Variants in MDGA2 observed in about 807,000 individuals in gnomAD.
The protein encoded by MDGA2 is MAM domain containing glycosylphosphatidylinositol anchor 2, also known as MAM domain-containing glycosylphosphatidylinositol anchor protein 2.
Under a neutral mutation model 117.8 loss-of-function variants are expected in MDGA2, and 40 were observed. The ratio of observed to expected loss-of-function variants is 0.34; its 90% CI spans 0.26 to 0.44. MDGA2 has a LOEUF of 0.44. Among genes scored for constraint, MDGA2 ranks in the 20% least tolerant of loss-of-function variants. MDGA2 has a pLI of 1.00. For synonymous variants in MDGA2, 452 were observed against 439.0 expected (o/e 1.03, Z -0.37); for missense variants, 1,123 against 1,250.6 (o/e 0.90, Z 1.54).
intron 1 of MDGA2, among the ~76,000 whole-genome samples, chr14:47,398,499 ATATATT>A (rs1250134163): frequency 6.6e-6 from 1 of 152,176 alleles, no homozygotes. Flanking sequence ...TATAGAAACT[ATATATT>A]TATACATTTT....
At chr14:47,131,436 C>T (rs1180420190) in intron 5 of MDGA2, among the ~76,000 whole-genome samples, 2 of 151,822 alleles carry the variant, frequency 1.3e-5, no homozygotes, top group East Asian at 1.9e-4. Flanking sequence ...TATTTTTGAA[C>T]AGGATATATG....
At chr14:47,450,842 G>C (rs1169130408) in intron 1 of MDGA2, among the ~76,000 whole-genome samples, 1 of 152,088 alleles carries the variant, frequency 6.6e-6, no homozygotes. Context: ...TTAATGAATA[G>C]AGAACTGAAG....
At chr14:47,013,798 T>TA (rs1424847104) in intron 8 of MDGA2, among the ~76,000 whole-genome samples, 1 of 41,072 alleles carries the variant, frequency 2.4e-5, no homozygotes, top group Non-Finnish European at 5.3e-5. Context: ...ATATATCTCC[T>TA]TTTTTTTTTT....
At chr14:46,867,228 T>C (rs1458024514) in intron 14 of MDGA2, among the ~76,000 whole-genome samples, 2 of 152,200 alleles carry the variant, frequency 1.3e-5, no homozygotes, top group Non-Finnish European at 2.9e-5. Context: ...AATGATGAGT[T>C]CATGTACTTT....
At chr14:47,445,670 G>A (rs1055461354) in intron 1 of MDGA2, among the ~76,000 whole-genome samples, 1 of 151,980 alleles carries the variant, frequency 6.6e-6, no homozygotes, top group East Asian at 1.9e-4. Flanking sequence ...TTACTCATAA[G>A]ACAAAATAAA....
At chr14:46,885,924 C>T (rs184872489) in intron 10 of MDGA2, among the ~76,000 whole-genome samples, 1 of 152,162 alleles carries the variant, frequency 6.6e-6, no homozygotes, top group African/African-American at 2.4e-5. Context: ...TGTGTCCAAC[C>T]ATTGCCCAGA....
chr14:47,653,719 A>G (rs1318023675), intron 1 of MDGA2, among the ~76,000 whole-genome samples: 1 of 152,178 alleles, frequency 6.6e-6, no homozygotes, highest in African/African-American at 2.4e-5. Flanking sequence ...GGTGGGTCCA[A>G]TGTACTCAAG....
intron 2 of MDGA2, among the ~76,000 whole-genome samples, chr14:47,244,194 C>T (rs1226889655): frequency 6.6e-6 from 1 of 151,750 alleles, no homozygotes; most frequent in Non-Finnish European, 1.5e-5. Context: ...ACCTGCAGAA[C>T]TGTAATGTAT....
intron 9 of MDGA2, among the ~76,000 whole-genome samples, chr14:46,945,779 T>C (rs560924033): frequency 3.3e-5 from 5 of 152,200 alleles, no homozygotes; most frequent in African/African-American, 1.2e-4. Flanking sequence ...AATGCAGCCT[T>C]GCACTGTCTG....
chr14:47,446,253 C>G (rs1276634230), intron 1 of MDGA2, among the ~76,000 whole-genome samples: 2 of 152,186 alleles, frequency 1.3e-5, no homozygotes, highest in East Asian at 3.9e-4. Context: ...CTTACCTACT[C>G]ACAAAGAAGC....
intron 1 of MDGA2, among the ~76,000 whole-genome samples, chr14:47,378,296 A>C (rs1891527398): frequency 6.6e-6 from 1 of 152,234 alleles, no homozygotes; most frequent in Non-Finnish European, 1.5e-5. Context: ...TAAAAATCAG[A>C]GCACCTCTTC....
intron 1 of MDGA2, among the ~76,000 whole-genome samples, chr14:47,627,234 ACT>A (rs1897162967): frequency 6.7e-6 from 1 of 149,332 alleles, no homozygotes; most frequent in South Asian, 2.1e-4. Flanking sequence ...ACCAATTGGC[ACT>A]CTGTGTCTAG....
intron 1 of MDGA2, among the ~76,000 whole-genome samples, chr14:47,554,070 C>T (rs1895638876): frequency 6.6e-6 from 1 of 152,160 alleles, no homozygotes; most frequent in Admixed American, 6.6e-5. Flanking sequence ...GCTGAAATCA[C>T]TCTCCATTAT....
At position 46,841,782 on chromosome 14, in the gene MDGA2, C is replaced by CT. The variant is rs1410629662; in HGVS notation, c.*148dup. Reference sequence around the variant, plus strand: ...CCATGATGTCTTTTTATCCCCAGTGCTTAAAAAAATTTGTTTTTATTATTT... The same window carrying CT: ...CCATGATGTCTTTTTATCCCCAGTGCTTTAAAAAAATTTGTTTTTATTATTT... On this transcript the variant is annotated 3_prime_UTR_variant, in exon 17 of 17. Coordinates refer to ENST00000399232, the MANE Select transcript of MDGA2 (RefSeq NM_001113498.3). 4 of 526,684 alleles carry CT rather than the reference C, an allele frequency of 7.6e-6. No homozygotes were observed. The highest frequency in any genetic ancestry group is 1.4e-5 in the Non-Finnish European group (4 of 295,070). The allele number at this position is 526,684 out of a possible 1,614,324, so 32.6% of individuals were successfully genotyped here. A position where few individuals can be genotyped will look rare whatever the true frequency, so the allele number is the denominator to read the frequency against.
intron 3 of MDGA2, among the ~76,000 whole-genome samples, chr14:47,159,164 A>C (rs1883530141): frequency 6.6e-6 from 1 of 152,174 alleles, no homozygotes; most frequent in African/African-American, 2.4e-5. Context: ...CAACATTAAG[A>C]GTGAAGCCTA....
At chr14:47,553,671 G>T (rs1287521810) in intron 1 of MDGA2, among the ~76,000 whole-genome samples, 1 of 151,976 alleles carries the variant, frequency 6.6e-6, no homozygotes, top group Non-Finnish European at 1.5e-5. Flanking sequence ...ATATGTGTGT[G>T]ACTGTAATGT....
intron 2 of MDGA2, among the ~76,000 whole-genome samples, chr14:47,255,438 A>C (rs1481438225): frequency 6.6e-6 from 1 of 152,168 alleles, no homozygotes; most frequent in Non-Finnish European, 1.5e-5. Flanking sequence ...TTGTGTGTTC[A>C]TTGTAGGTGT....
intron 5 of MDGA2, among the ~76,000 whole-genome samples, chr14:47,101,909 A>G (rs994661866): frequency 7.9e-5 from 12 of 152,354 alleles, no homozygotes; most frequent in African/African-American, 2.9e-4. Context: ...ACTAAAAATT[A>G]TAGTGATTCA....
At chr14:47,580,055 C>T (rs987384462) in intron 1 of MDGA2, among the ~76,000 whole-genome samples, 4 of 152,020 alleles carry the variant, frequency 2.6e-5, no homozygotes, top group Non-Finnish European at 5.9e-5. Flanking sequence ...CAAATTCACA[C>T]CCCAATTAAA....
Sources: gnomAD v4.1 joint callset for allele counts (sites outside exome capture counted in the v4.1 genomes callset) on GRCh38, gnomAD v4.1.1 for gene constraint, MANE v1.5 for transcripts, NCBI Gene and HGNC (gene_info 2026-07-23, HGNC 2026-07-21) for gene names.